Variants in SLC9A8 observed in about 807,000 individuals in gnomAD.
The protein encoded by SLC9A8 is sodium/hydrogen exchanger 8.
SLC9A8 carries 48 observed loss-of-function variants against 66.6 expected under a neutral mutation model. The observed-to-expected ratio is 0.72, with a 90% CI of 0.57 to 0.92. The LOEUF (loss-of-function observed/expected upper bound fraction) is 0.92. Among genes scored for constraint, SLC9A8 ranks in the 40% least tolerant of loss-of-function variants. The pLI, the probability that SLC9A8 is intolerant of heterozygous loss-of-function variation, is 0.00. For synonymous variants in SLC9A8, 274 were observed against 282.6 expected, an observed-to-expected ratio of 0.97 and a Z score of 0.31; for missense variants, 599 against 747.3, an observed-to-expected ratio of 0.80 and a Z score of 2.31.
Position 49,886,989 on chromosome 20 carries a change from G to C in SLC9A8, c.1638+91G>C. 2 of 1,440,814 alleles carry C rather than the reference G, an allele frequency of 1.4e-6. No individual in the cohort carries two copies. Among genetic ancestry groups the C allele is most frequent in the South Asian group, 2.7e-5 (2 of 72,932 alleles). The allele number at this position is 1,440,814 out of a possible 1,614,324, so 89.3% of individuals were successfully genotyped here. A position where few individuals can be genotyped will look rare whatever the true frequency, so the allele number is the denominator to read the frequency against. ...GCCCAGGGTGGGGTGGAGGAAGAGTGGGGAGGCAGGAAAGCTCACGTGGGC... is the reference window on the plus strand; with the variant it reads ...GCCCAGGGTGGGGTGGAGGAAGAGTCGGGAGGCAGGAAAGCTCACGTGGGC... On this transcript the variant is annotated intron_variant, in intron 15 of 15. Transcript: ENST00000361573. The surrounding 1 kb of genome is among the most constrained non-coding windows in gnomAD (Gnocchi z 4.8).
chr20:49,812,970 CGG>C, intron 1 of SLC9A8, 22 bp downstream of exon 1: 1 of 1,392,844 alleles, frequency 7.2e-7, no homozygotes, highest in Non-Finnish European at 9.3e-7. Flanking sequence ...TTTTCCCGGG[CGG>C]CGGAGGCGGC....
At chr20:49,817,008 G>A (rs993235014) in intron 2 of SLC9A8, among the ~76,000 whole-genome samples, 5 of 151,878 alleles carry the variant, frequency 3.3e-5, no homozygotes, top group East Asian at 2.0e-4. Context: ...GATTACAGGC[G>A]TGAGCCACCA....
intron 13 of SLC9A8, among the ~76,000 whole-genome samples, chr20:49,882,812 G>C (rs370944955): frequency 3.3e-5 from 5 of 152,154 alleles, no homozygotes; most frequent in African/African-American, 1.2e-4. Context: ...CCTCTGGCCC[G>C]TGACAGGTTT....
At chr20:49,816,267 A>G (rs1318070209) in intron 2 of SLC9A8, among the ~76,000 whole-genome samples, 1 of 151,986 alleles carries the variant, frequency 6.6e-6, no homozygotes, top group African/African-American at 2.4e-5. Flanking sequence ...TGAAATTACA[A>G]AAATTAGCTG....
intron 10 of SLC9A8, among the ~76,000 whole-genome samples, chr20:49,865,081 T>G (rs2088905600): frequency 6.6e-6 from 1 of 152,210 alleles, no homozygotes; most frequent in Non-Finnish European, 1.5e-5. Flanking sequence ...TAACCCGCCT[T>G]CTCTCATTTA....
rs769858698 is a variant in SLC9A8 at position 49,887,933 on chromosome 20, C to T, written c.1743C>T (p.Leu581=). Residue 581 remains leucine, a synonymous_variant, in exon 16 of 16, where the codon CTC becomes CTT. Transcript: ENST00000361573. Reference sequence around the variant, plus strand: ...CCGAGGACGACGAGCAGGAGCTGCTCTGACGCCAGGTGCCAAGGCTTCAGG... The same window carrying T: ...CCGAGGACGACGAGCAGGAGCTGCTTTGACGCCAGGTGCCAAGGCTTCAGG... ...SGSEDDEQEL[L] is the part of the protein sequence containing the mutation. 5.0e-6 allele frequency: 8 copies of T among 1,612,878 alleles called. No individual in the cohort carries two copies. Among genetic ancestry groups the T allele is most frequent in the East Asian group, 4.5e-5 (2 of 44,876 alleles).
chr20:49,846,028 G>A (rs56693613), intron 5 of SLC9A8, among the ~76,000 whole-genome samples: 12 of 152,114 alleles, frequency 7.9e-5, no homozygotes, highest in South Asian at 6.2e-4. Flanking sequence ...AGAGACGGAC[G>A]GGGTTTTACC....
chr20:49,890,990 G>T lies in SLC9A8; in HGVS notation c.*3054G>T, dbSNP rs2090029058. On this transcript the variant is annotated 3_prime_UTR_variant, in exon 16 of 16. Coordinates refer to ENST00000361573, the MANE Select transcript of SLC9A8 (RefSeq NM_015266.3). ...GCAAAGGTGCCATCGGCAGGGCTTGGCCTCATGAAGTCTCAGGTCCGTGTT... is the reference window on the plus strand; with the variant it reads ...GCAAAGGTGCCATCGGCAGGGCTTGTCCTCATGAAGTCTCAGGTCCGTGTT... 6.6e-6 allele frequency: 1 copy of T among 152,286 alleles called. No individual in the cohort carries two copies. Among genetic ancestry groups the T allele is most frequent in the African/African-American group, 2.4e-5 (1 of 41,452 alleles). The allele number at this position is 152,286 out of a possible 1,614,324, so 9.4% of individuals were successfully genotyped here.
intron 8 of SLC9A8, among the ~76,000 whole-genome samples, chr20:49,862,386 C>T (rs1193390744): frequency 2.6e-5 from 4 of 152,202 alleles, no homozygotes; most frequent in African/African-American, 7.2e-5. Flanking sequence ...CTCAGCCTCC[C>T]GAGTAGCTGG....
intron 13 of SLC9A8, 56 bp downstream of exon 13, chr20:49,881,091 A>C: frequency 8.1e-7 from 1 of 1,228,542 alleles, no homozygotes; most frequent in South Asian, 1.2e-5. Flanking sequence ...AGCACGCCCC[A>C]TACAGGGAGA....
chr20:49,833,392 A>C (rs2087294812), intron 3 of SLC9A8, among the ~76,000 whole-genome samples: 1 of 152,234 alleles, frequency 6.6e-6, no homozygotes. Flanking sequence ...TCTAAATGGC[A>C]AAAACAAAAC....
At chr20:49,836,103 G>T (rs1477425620) in intron 3 of SLC9A8, among the ~76,000 whole-genome samples, 1 of 152,054 alleles carries the variant, frequency 6.6e-6, no homozygotes, top group African/African-American at 2.4e-5. Context: ...CCCTGTCCCT[G>T]GGCAACCATT....
chr20:49,852,647 G>A (rs1185510252), intron 7 of SLC9A8, among the ~76,000 whole-genome samples: 1 of 152,152 alleles, frequency 6.6e-6, no homozygotes, highest in Non-Finnish European at 1.5e-5. Flanking sequence ...GCGTTTAAAA[G>A]GCGAGGTCTT....
chr20:49,886,642 T>G lies in SLC9A8; in HGVS notation c.1492-110T>G. The G allele has an allele frequency of 7.8e-7, 1 of 1,281,496 alleles. No homozygotes were observed. Among genetic ancestry groups the G allele is most frequent in the Non-Finnish European group, 1.1e-6 (1 of 924,400 alleles). The allele number at this position is 1,281,496 out of a possible 1,614,324, so 79.4% of individuals were successfully genotyped here. ...CCGTCACCCTGCATTGATGGTCAAG[T>G]GGAGTTAGGGTTGGGGACACTGGCG... On this transcript the variant is annotated intron_variant, in intron 14 of 15. Transcript: ENST00000361573. The surrounding 1 kb of genome is among the most constrained non-coding windows in gnomAD (Gnocchi z 4.8).
Position 49,815,132 on chromosome 20 carries a change from G to A in SLC9A8, c.151G>A (p.Ala51Thr). The change falls in exon 2 of 16, where the codon GCC becomes ACC. Residue 51 changes from alanine to threonine, a missense_variant. Physicochemically the swap from Ala to Thr is moderately conservative, Grantham distance 58 (BLOSUM62 0). Around this residue, in one of 2 missense-constraint regions of SLC9A8, gnomAD observed 132 missense variants for 120.9 expected, o/e 1.09. Transcript: ENST00000361573. Reference protein sequence around the residue: ...PILPVQTGEQAQQEEQSSGMT... With the variant: ...PILPVQTGEQTQQEEQSSGMT... ...CCTCCCCGTGCAGACAGGGGAGCAG[G>A]CCCAGCAAGAGGAGCAGTCCAGCGG... 3 of 1,606,632 alleles carry A rather than the reference G, an allele frequency of 1.9e-6. No homozygotes were observed. Among genetic ancestry groups the A allele is most frequent in the Non-Finnish European group, 2.5e-6 (3 of 1,176,788 alleles).
At chr20:49,885,178 C>G (rs987093197) in intron 14 of SLC9A8, among the ~76,000 whole-genome samples, 7 of 152,192 alleles carry the variant, frequency 4.6e-5, no homozygotes, top group Non-Finnish European at 7.3e-5. Context: ...GCCCCCACCC[C>G]CTATCTACCA....
Position 49,888,169 on chromosome 20 carries a change from G to GT in SLC9A8, c.*233_*234insT. 1 of 446,586 alleles carries GT rather than the reference G, an allele frequency of 2.2e-6. No homozygotes were observed. Among genetic ancestry groups the GT allele is most frequent in the East Asian group, 4.5e-5 (1 of 22,040 alleles). The allele number at this position is 446,586 out of a possible 1,614,324, so 27.7% of individuals were successfully genotyped here. The stretch of plus-strand genomic sequence containing the variant: ...CCGACTCCTCCCTGAGCCAGCCTCC[G>GT]CTCAGTGTGGCTCCTCAGCCCACAG... On this transcript the variant is annotated 3_prime_UTR_variant, in exon 16 of 16. Transcript: ENST00000361573.
rs548664706 is a variant in SLC9A8, at chr20:49,818,931, A to G, written c.208+3742A>G. Among the ~76,000 whole-genome samples the G allele has an allele frequency of 2.0e-5, 3 of 152,336 alleles. No homozygotes were observed. The East Asian group carries it at 5.8e-4, about 29-fold the overall frequency. ...CCTCAGAACTCCTGACCTGGAATTC[A>G]TTTGCCACTTTTTGTTACTCTTTTA... On this transcript the variant is annotated intron_variant, in intron 2 of 15. Transcript: ENST00000361573.
chr20:49,826,043 G>C (rs1568796502), intron 3 of SLC9A8, among the ~76,000 whole-genome samples: 1 of 152,216 alleles, frequency 6.6e-6, no homozygotes, highest in Non-Finnish European at 1.5e-5. Context: ...CACTGATGTT[G>C]CAGAAATAAT....
Sources: allele counts gnomAD v4.1 joint callset (sites outside exome capture counted in the v4.1 genomes callset), GRCh38; gene constraint gnomAD v4.1.1; regional missense constraint gnomAD v4.1.1; non-coding constraint Gnocchi (gnomAD v3.1); transcripts MANE v1.5; gene names NCBI Gene and HGNC (gene_info 2026-07-23, HGNC 2026-07-21).